Variants in CELF2 observed in about 807,000 individuals in gnomAD.
CELF2 encodes CUG triplet repeat RNA-binding protein 2.
CELF2 carries 8 observed loss-of-function variants against 62.6 expected under a neutral mutation model. That is an observed-to-expected ratio of 0.13 (90% CI 0.07 to 0.23). CELF2 has a LOEUF of 0.23. CELF2 is among the 10% of genes least tolerant of loss of function. CELF2 has a pLI of 1.00. For synonymous variants in CELF2, 258 were observed against 250.0 expected, an observed-to-expected ratio of 1.03 and a Z score of -0.30; for missense variants, 333 against 671.0, an observed-to-expected ratio of 0.50 and a Z score of 5.56.
intron 1 of CELF2, among the ~76,000 whole-genome samples, chr10:11,078,796 C>G (rs1440353388): frequency 6.6e-6 from 1 of 152,206 alleles, no homozygotes; most frequent in Non-Finnish European, 1.5e-5. Context: ...AGAAAAGACT[C>G]TAAACCTTTG....
chr10:11,192,752 C>T (rs1163677650), intron 2 of CELF2, among the ~76,000 whole-genome samples: 1 of 152,108 alleles, frequency 6.6e-6, no homozygotes. Context: ...TGGTTTTAAC[C>T]CCTGGCGTGC....
chr10:11,287,731 A>G (rs779083300), intron 8 of CELF2, among the ~76,000 whole-genome samples: 13 of 152,246 alleles, frequency 8.5e-5, no homozygotes, highest in Non-Finnish European at 1.5e-4. Flanking sequence ...TTCAATGGCA[A>G]TAGCAATAAC....
chr10:10,862,158 C>T (rs1224516713), intron 1 of CELF2, among the ~76,000 whole-genome samples: 2 of 152,148 alleles, frequency 1.3e-5, no homozygotes, highest in Non-Finnish European at 2.9e-5. Flanking sequence ...TGTAGAGGCC[C>T]TAATGTTCAT....
intron 3 of CELF2, among the ~76,000 whole-genome samples, chr10:11,228,884 AAG>A (rs1412223182): frequency 6.6e-6 from 1 of 152,364 alleles, no homozygotes. Context: ...GAAAATACTT[AAG>A]AGAGAATCAA....
chr10:10,889,064 C>G (rs2133861411), intron 1 of CELF2, among the ~76,000 whole-genome samples: 1 of 152,320 alleles, frequency 6.6e-6, no homozygotes, highest in South Asian at 2.1e-4. Flanking sequence ...TATTTCTTCT[C>G]TTGTCAGAAA....
At chr10:11,122,081 C>G (rs1057069767) in intron 1 of CELF2, among the ~76,000 whole-genome samples, 4 of 152,206 alleles carry the variant, frequency 2.6e-5, no homozygotes, top group African/African-American at 9.6e-5. Context: ...TCTGGCAAAT[C>G]TTGGTTTCTA....
chr10:11,239,661 G>A (rs1435490956), intron 3 of CELF2, among the ~76,000 whole-genome samples: 3 of 152,190 alleles, frequency 2.0e-5, no homozygotes, highest in Non-Finnish European at 4.4e-5. Context: ...GGGGATATGA[G>A]ATAAGGATCA....
chr10:11,100,562 T>G (rs2051297588), intron 1 of CELF2, among the ~76,000 whole-genome samples: 1 of 139,556 alleles, frequency 7.2e-6, no homozygotes, highest in African/African-American at 2.6e-5. Flanking sequence ...AAGGGAACTT[T>G]CAGAAGTCTG....
intron 2 of CELF2, among the ~76,000 whole-genome samples, chr10:11,198,927 A>G (rs1441448693): frequency 6.6e-6 from 1 of 152,242 alleles, no homozygotes; most frequent in Non-Finnish European, 1.5e-5. Context: ...TCTGTCTTCA[A>G]ACTGTAAGTA....
the CELF2 span, among the ~76,000 whole-genome samples, chr10:10,713,372 A>G: frequency 6.6e-6 from 1 of 152,296 alleles, no homozygotes; most frequent in Admixed American, 6.5e-5. Flanking sequence ...CAGAGCCTAG[A>G]ACAGTGCCTG....
At chr10:10,791,160 T>G in the CELF2 span, among the ~76,000 whole-genome samples, 10 of 152,158 alleles carry the variant, frequency 6.6e-5, no homozygotes, top group African/African-American at 2.4e-4. Flanking sequence ...AATTGTTTAG[T>G]GATCTAAAAA....
the CELF2 span, among the ~76,000 whole-genome samples, chr10:10,580,692 T>G: frequency 1.3e-5 from 2 of 152,340 alleles, no homozygotes; most frequent in African/African-American, 4.8e-5. Context: ...TTACGAAACA[T>G]TAGAGAAAAT....
At chr10:10,930,355 C>T (rs999821642) in intron 2 of CELF2, among the ~76,000 whole-genome samples, 1 of 152,152 alleles carries the variant, frequency 6.6e-6, no homozygotes, top group Non-Finnish European at 1.5e-5. Flanking sequence ...ATTAATAAAG[C>T]CCTGCCCTAA....
intron 1 of CELF2, among the ~76,000 whole-genome samples, chr10:11,034,588 C>G (rs2060658261): frequency 6.6e-6 from 1 of 152,100 alleles, no homozygotes; most frequent in Non-Finnish European, 1.5e-5. Flanking sequence ...GTGATCTTGG[C>G]CATTTGGACT....
At chr10:10,708,134 G>A in the CELF2 span, among the ~76,000 whole-genome samples, 2,505 of 152,230 alleles carry the variant, frequency 0.016, 32 homozygotes, top group African/African-American at 0.037. Flanking sequence ...CAAATTCAAA[G>A]GGCGTAAAAG....
At chr10:10,805,933 G>T (rs1483755680) in intron 1 of CELF2, among the ~76,000 whole-genome samples, 2 of 152,092 alleles carry the variant, frequency 1.3e-5, no homozygotes, top group Non-Finnish European at 2.9e-5. Context: ...TTTAATGAGG[G>T]GCCTTTCTAT....
chr10:10,582,594 T>A, the CELF2 span, among the ~76,000 whole-genome samples: 2 of 152,176 alleles, frequency 1.3e-5, no homozygotes, highest in Non-Finnish European at 2.9e-5. Flanking sequence ...TTGCATGTAA[T>A]GAGTAATTTC....
chr10:11,026,508 A>G (rs7087513), intron 1 of CELF2, among the ~76,000 whole-genome samples: 99,968 of 152,070 alleles, frequency 0.66, 37,328 homozygotes, highest in East Asian at 0.9. Flanking sequence ...ATGATACCCA[A>G]AAGTGTGAAG....
chr10:10,819,548 T>C (rs11818010), intron 1 of CELF2, among the ~76,000 whole-genome samples: 12,895 of 152,180 alleles, frequency 0.085, 673 homozygotes, highest in East Asian at 0.23. Flanking sequence ...CCCTTTCTCT[T>C]TGAGAAGTTT....
Sources: allele counts gnomAD v4.1 joint callset (sites outside exome capture counted in the v4.1 genomes callset), GRCh38; gene constraint gnomAD v4.1.1; transcripts MANE v1.5; gene names NCBI Gene and HGNC (gene_info 2026-07-23, HGNC 2026-07-21).